Variants in ZNF880 observed in about 807,000 individuals in gnomAD.
The protein encoded by ZNF880 is zinc finger protein 880.
Under a neutral mutation model 11.8 loss-of-function variants are expected in ZNF880, and 12 were observed. The ratio of observed to expected loss-of-function variants is 1.02; its 90% CI spans 0.65 to 1.65. ZNF880 has a LOEUF of 1.65. Ranked by LOEUF, ZNF880 falls within the 40% of genes most tolerant of loss-of-function variation. The pLI, the probability that ZNF880 is intolerant of heterozygous loss-of-function variation, is 0.00. For missense variants in ZNF880, 601 were observed against 673.9 expected (o/e 0.89, Z 1.20); for synonymous variants, 210 against 232.4 (o/e 0.90, Z 0.88).
At chr19:52,383,716 C>T (rs1436401873) in intron 3 of ZNF880, 133 bp from the exon 4 acceptor site, 3 of 990,646 alleles carry the variant, frequency 3.0e-6, no homozygotes, top group East Asian at 5.2e-5. Context: ...TCTGCACTGC[C>T]AGCATGATAC....
chr19:52,393,038 G>A, the ZNF880 span, among the ~76,000 whole-genome samples: 2 of 150,822 alleles, frequency 1.3e-5, no homozygotes, highest in East Asian at 3.9e-4. Flanking sequence ...GGAGAATTCT[G>A]TGGAAAACCA....
chr19:52,390,252 C>T (rs1481929451), downstream of ZNF880: 1 of 296,402 alleles, frequency 3.4e-6, no homozygotes, highest in Non-Finnish European at 7.0e-6. Flanking sequence ...GTCCTCACCG[C>T]AAGGTTGATT....
chr19:52,381,354 CTT>C (rs941116125), intron 3 of ZNF880, among the ~76,000 whole-genome samples: 15 of 152,154 alleles, frequency 9.9e-5, no homozygotes, highest in African/African-American at 3.6e-4. Flanking sequence ...ATCTTTGTCT[CTT>C]ATGGTTTTTG....
chr19:52,376,042 C>T (rs1986541861), intron 3 of ZNF880, among the ~76,000 whole-genome samples: 1 of 152,090 alleles, frequency 6.6e-6, no homozygotes, highest in African/African-American at 2.4e-5. Context: ...ATTAGTATGC[C>T]ACATTTTCTT....
intron 3 of ZNF880, among the ~76,000 whole-genome samples, chr19:52,375,213 G>T (rs1429829589): frequency 6.8e-6 from 1 of 146,894 alleles, no homozygotes; most frequent in Non-Finnish European, 1.5e-5. Context: ...TTGAGACAGA[G>T]TCTTGCTCTG....
intron 3 of ZNF880, among the ~76,000 whole-genome samples, chr19:52,375,159 T>A (rs1045387269): frequency 8.8e-6 from 1 of 113,976 alleles, no homozygotes; most frequent in Non-Finnish European, 1.7e-5. Context: ...CTAGTATTGG[T>A]TTTTTTTTTT....
chr19:52,373,369 A>C, intron 2 of ZNF880, 132 bp downstream of exon 2: 2 of 856,962 alleles, frequency 2.3e-6, no homozygotes, highest in Non-Finnish European at 3.5e-6. Flanking sequence ...TCAGAAATGA[A>C]AACCTCCATA....
Position 52,384,701 on chromosome 19 carries a change from A to G in ZNF880, c.1121A>G (p.His374Arg). Reference sequence around the variant, plus strand: ...CACCTTACCAGACATCAAAGAATCCATACTGGAGAGAAACCTTATGAATGT... The same window carrying G: ...CACCTTACCAGACATCAAAGAATCCGTACTGGAGAGAAACCTTATGAATGT... Reference protein sequence around the residue: ...NAHLTRHQRIHTGEKPYECKE... With the variant: ...NAHLTRHQRIRTGEKPYECKE... The change falls in exon 4 of 4, where the codon CAT becomes CGT. Residue 374 changes from histidine (H) to arginine (R), a missense_variant. This residue lies in a region of ZNF880 where 420 missense variants were observed against 442.6 expected (regional missense o/e 0.95). Coordinates refer to ENST00000422689, the MANE Select transcript of ZNF880 (RefSeq NM_001145434.2). 1.2e-6 allele frequency: 2 copies of G among 1,613,328 alleles called. No homozygotes were observed. The highest frequency in any genetic ancestry group is 1.7e-6 in the Non-Finnish European group (2 of 1,179,820).
intron 3 of ZNF880, among the ~76,000 whole-genome samples, chr19:52,375,480 C>T (rs1157997116): frequency 6.6e-6 from 1 of 152,110 alleles, no homozygotes; most frequent in Non-Finnish European, 1.5e-5. Flanking sequence ...ACATGAGCCA[C>T]TGCTCCCGGG....
At chr19:52,373,279 G>A (rs1269138861) in intron 2 of ZNF880, 42 bp downstream of exon 2, 2 of 1,577,768 alleles carry the variant, frequency 1.3e-6, no homozygotes, top group South Asian at 1.1e-5. Context: ...CTGCCCTGGT[G>A]TATTTTTGCA....
intron 3 of ZNF880, among the ~76,000 whole-genome samples, chr19:52,382,486 C>T (rs990379464): frequency 6.6e-6 from 1 of 152,138 alleles, no homozygotes; most frequent in Non-Finnish European, 1.5e-5. Context: ...TGCACTCCCT[C>T]AGCTCTTCAT....
chr19:52,396,825 T>A, the ZNF880 span: 1 of 150,708 alleles, frequency 6.6e-6, no homozygotes, highest in African/African-American at 2.4e-5. Flanking sequence ...TCACAGCTAC[T>A]CGGCAGGCTG....
Position 52,385,504 on chromosome 19 carries a change from G to GATT in ZNF880, c.*190_*191insATT. The GATT allele has an allele frequency of 1.6e-6, 1 of 629,398 alleles. No individual in the cohort carries two copies. The highest frequency in any genetic ancestry group is 2.7e-6 in the Non-Finnish European group (1 of 373,778). 39.0% of individuals were successfully genotyped at this position (629,398 alleles called of 1,614,324 possible). A position where few individuals can be genotyped will look rare whatever the true frequency, so the allele number is the denominator to read the frequency against. On this transcript the variant is annotated 3_prime_UTR_variant, in exon 4 of 4. Transcript: ENST00000422689. The stretch of plus-strand genomic sequence containing the variant: ...ATGTGAATCAGGTCTCTTGAGGCCT[G>GATT]CCAAATGACTAGATATCAAAACATA...
downstream of ZNF880, among the ~76,000 whole-genome samples, chr19:52,388,281 A>ATTTTTTTT (rs1298446341): frequency 2.6e-5 from 1 of 38,892 alleles, no homozygotes; most frequent in Admixed American, 2.6e-4. Context: ...GGCAATTTGA[A>ATTTTTTTT]CTTTTTTTTT....
At chr19:52,392,403 T>A in the ZNF880 span, among the ~76,000 whole-genome samples, 1 of 152,116 alleles carries the variant, frequency 6.6e-6, no homozygotes, top group African/African-American at 2.4e-5. Context: ...CGGGTTCAAG[T>A]GATTCTCCTG....
At chr19:52,393,893 G>C in the ZNF880 span, among the ~76,000 whole-genome samples, 1 of 136,472 alleles carries the variant, frequency 7.3e-6, no homozygotes, top group Non-Finnish European at 1.5e-5. Context: ...CTGGAGTGCA[G>C]TGGCGCGATC....
At chr19:52,368,255 C>A (rs1986218204), upstream of ZNF880, among the ~76,000 whole-genome samples, 1 of 151,048 alleles carries the variant, frequency 6.6e-6, no homozygotes, top group African/African-American at 2.4e-5. Context: ...TTTTGTACTT[C>A]TAGTGTTCAG....
At chr19:52,382,702 G>C (rs1025824254) in intron 3 of ZNF880, among the ~76,000 whole-genome samples, 1 of 152,112 alleles carries the variant, frequency 6.6e-6, no homozygotes, top group African/African-American at 2.4e-5. Flanking sequence ...CTGCTATCAA[G>C]ACTGTTTCTT....
intron 1 of ZNF880, among the ~76,000 whole-genome samples, chr19:52,370,887 C>A (rs12976033): frequency 0.098 from 14,941 of 152,134 alleles, 846 homozygotes; most frequent in African/African-American, 0.16. Flanking sequence ...TGTAGTGTGC[C>A]ATGAATAAGC....
Sources: allele counts gnomAD v4.1 joint callset (sites outside exome capture counted in the v4.1 genomes callset), GRCh38; gene constraint gnomAD v4.1.1; regional missense constraint gnomAD v4.1.1; transcripts MANE v1.5; gene names NCBI Gene and HGNC (gene_info 2026-07-23, HGNC 2026-07-21).